The following KCNT2 variants were observed in gnomAD, a reference collection of about 807,000 sequenced individuals.
KCNT2 encodes potassium channel subfamily T member 2.
A neutral mutation model predicts 153.8 loss-of-function variants in KCNT2; 67 were observed. The ratio of observed to expected loss-of-function variants is 0.44; its 90% CI spans 0.36 to 0.53. The LOEUF is 0.53. KCNT2 is among the 20% of genes least tolerant of loss of function. The probability of loss-of-function intolerance (pLI) is 0.00; values close to 1 mark genes in which losing one functional copy is unlikely to be tolerated. For missense variants in KCNT2, 975 were observed against 1,354.8 expected (o/e 0.72, Z 4.40); for synonymous variants, 500 against 458.8 (o/e 1.09, Z -1.15).
rs1228798740 is a variant in KCNT2 at position 196,398,648 on chromosome 1, T to C, written c.1209A>G (p.Ala403=). Residue 403 remains alanine (A), a synonymous_variant, in exon 13 of 28, where the codon GCA becomes GCG. Transcript: ENST00000294725. ...TTGGAGCAAAATCTTTCACAGCCCATGCTCTCAAAATTGTTTGGTGATCCT... is the reference window on the plus strand; with the variant it reads ...TTGGAGCAAAATCTTTCACAGCCCACGCTCTCAAAATTGTTTGGTGATCCT... ...TSSDHQTILR[A]WAVKDFAPNC... 10 of 1,604,154 alleles carry C rather than the reference T, an allele frequency of 6.2e-6. No homozygotes were observed. The highest frequency in any genetic ancestry group is 1.7e-4 in the Middle Eastern group (1 of 6,046).
At chr1:196,372,182 CA>C (rs991848897) in intron 14 of KCNT2, among the ~76,000 whole-genome samples, 2 of 151,898 alleles carry the variant, frequency 1.3e-5, no homozygotes, top group Non-Finnish European at 2.9e-5. Flanking sequence ...TTTACCATCC[CA>C]ATTAGGCAGT....
At chr1:196,272,237 A>AT (rs1658134158) in intron 25 of KCNT2, among the ~76,000 whole-genome samples, 1 of 150,962 alleles carries the variant, frequency 6.6e-6, no homozygotes, top group Non-Finnish European at 1.5e-5. Flanking sequence ...ATCCAGCAAT[A>AT]AAAATTTTTA....
intron 25 of KCNT2, among the ~76,000 whole-genome samples, chr1:196,274,459 T>A (rs1212402006): frequency 6.6e-6 from 1 of 151,678 alleles, no homozygotes. Context: ...ATGGAATAAA[T>A]GTTGTTTGAG....
At chr1:196,288,729 T>C (rs1030104831) in intron 22 of KCNT2, among the ~76,000 whole-genome samples, 1 of 152,088 alleles carries the variant, frequency 6.6e-6, no homozygotes, top group Non-Finnish European at 1.5e-5. Context: ...GGTCTCTAGA[T>C]AATGAGGCAG....
At chr1:196,512,801 T>C (rs1441275900) in intron 1 of KCNT2, among the ~76,000 whole-genome samples, 1 of 152,154 alleles carries the variant, frequency 6.6e-6, no homozygotes, top group African/African-American at 2.4e-5. Flanking sequence ...ACTCCATCCA[T>C]TTATCAATCT....
intron 1 of KCNT2, among the ~76,000 whole-genome samples, chr1:196,568,165 G>C (rs1660329425): frequency 1.3e-5 from 2 of 152,130 alleles, no homozygotes; most frequent in Non-Finnish European, 2.9e-5. Flanking sequence ...TTTCATGAAA[G>C]ACAAATGGTG....
At chr1:196,389,139 C>T (rs1192970930) in intron 13 of KCNT2, among the ~76,000 whole-genome samples, 1 of 151,630 alleles carries the variant, frequency 6.6e-6, no homozygotes, top group Non-Finnish European at 1.5e-5. Context: ...TGGTGAACTG[C>T]TCTGATTTTA....
At chr1:196,353,583 G>T (rs1231424794) in intron 14 of KCNT2, among the ~76,000 whole-genome samples, 2 of 151,800 alleles carry the variant, frequency 1.3e-5, no homozygotes, top group Non-Finnish European at 2.9e-5. Context: ...TTAACTTTTG[G>T]ATTGTGTGTA....
intron 12 of KCNT2, among the ~76,000 whole-genome samples, chr1:196,415,999 GA>G (rs1013803719): frequency 2.6e-5 from 4 of 151,812 alleles, no homozygotes; most frequent in Non-Finnish European, 4.4e-5. Flanking sequence ...GAAAATTCTA[GA>G]AAAAAACAAT....
intron 1 of KCNT2, among the ~76,000 whole-genome samples, chr1:196,534,094 T>A (rs1449917470): frequency 6.6e-6 from 1 of 151,826 alleles, no homozygotes; most frequent in African/African-American, 2.4e-5. Context: ...AGGTAATAGA[T>A]TGGTGGGGAA....
At chr1:196,438,296 A>T (rs1218970517) in intron 8 of KCNT2, among the ~76,000 whole-genome samples, 1 of 151,818 alleles carries the variant, frequency 6.6e-6, no homozygotes, top group African/African-American at 2.4e-5. Flanking sequence ...CGATAGAGTC[A>T]GGGATTATAG....
chr1:196,397,496 A>G (rs561309867), intron 13 of KCNT2, among the ~76,000 whole-genome samples: 1 of 151,656 alleles, frequency 6.6e-6, no homozygotes, highest in East Asian at 2.0e-4. Flanking sequence ...CCTAGCACCT[A>G]TCATACTGTA....
Position 196,507,250 on chromosome 1 carries a change from G to A in KCNT2, c.96-14909C>T, listed in dbSNP as rs544939578. On this transcript the variant is annotated intron_variant, in intron 1 of 27. Transcript: ENST00000294725. ...AATGATATAGTTAAAATTTGAAAAT[G>A]TTACACTTGAGAAAAATTCACCATC... Among the ~76,000 whole-genome samples, 4 of 152,208 alleles carry A rather than the reference G, an allele frequency of 2.6e-5. No individual in the cohort carries two copies. In the South Asian group the frequency reaches 6.2e-4, roughly 24 times the overall value.
intron 14 of KCNT2, among the ~76,000 whole-genome samples, chr1:196,354,555 G>A (rs986770894): frequency 2.0e-5 from 3 of 151,570 alleles, no homozygotes; most frequent in South Asian, 4.1e-4. Context: ...TTGCATATAC[G>A]TAACTGTAGA....
At chr1:196,408,783 T>A (rs1260241021) in intron 12 of KCNT2, among the ~76,000 whole-genome samples, 1 of 151,680 alleles carries the variant, frequency 6.6e-6, no homozygotes, top group Non-Finnish European at 1.5e-5. Context: ...ATATCTTTTC[T>A]GGTCCAGAAT....
At chr1:196,247,301 T>C (rs546056352) in intron 26 of KCNT2, among the ~76,000 whole-genome samples, 5 of 152,134 alleles carry the variant, frequency 3.3e-5, no homozygotes, top group Admixed American at 3.3e-4. Flanking sequence ...TTATAAGAAC[T>C]AAGGAGAGAT....
chr1:196,304,939 C>A (rs1661493103), intron 22 of KCNT2, among the ~76,000 whole-genome samples: 1 of 152,070 alleles, frequency 6.6e-6, no homozygotes, highest in Admixed American at 6.6e-5. Flanking sequence ...CATGACATAG[C>A]AAGTAAGTGA....
Position 196,423,130 on chromosome 1 carries a change from A to C in KCNT2, c.1122-17T>G. ...TCATCCATCCTAAATACAGATGGAA[A>C]AACAAAATAATCACACACTGAAATA... is the stretch of plus-strand genomic sequence containing the variant. On this transcript the variant is annotated splice_polypyrimidine_tract_variant and intron_variant, in intron 11 of 27. Coordinates refer to ENST00000294725, the MANE Select transcript of KCNT2 (RefSeq NM_198503.5). The C allele has an allele frequency of 6.5e-7, 1 of 1,548,318 alleles. No individual in the cohort carries two copies. Among genetic ancestry groups the C allele is most frequent in the African/African-American group, 1.4e-5 (1 of 73,192 alleles).
intron 1 of KCNT2, among the ~76,000 whole-genome samples, chr1:196,508,285 T>G (rs1344627130): frequency 1.3e-5 from 2 of 151,162 alleles, no homozygotes; most frequent in Admixed American, 1.3e-4. Flanking sequence ...TCCTGAAATA[T>G]TAAAAAATTT....
Sources: gnomAD v4.1 joint callset for allele counts (sites outside exome capture counted in the v4.1 genomes callset) on GRCh38, gnomAD v4.1.1 for gene constraint, MANE v1.5 for transcripts, NCBI Gene and HGNC (gene_info 2026-07-23, HGNC 2026-07-21) for gene names.